The following TAB3 variants were observed in gnomAD, a reference collection of about 807,000 sequenced individuals.
TAB3 encodes TGF-beta-activated kinase 1 and MAP3K7-binding protein 3.
Under a neutral mutation model 48.1 loss-of-function variants are expected in TAB3, and 18 were observed. The observed-to-expected ratio is 0.37, with a 90% CI of 0.26 to 0.55. TAB3 has a LOEUF of 0.55. TAB3 is among the 20% of genes least tolerant of loss of function. The pLI is 0.78. For synonymous variants in TAB3, 185 were observed against 190.2 expected (o/e 0.97, Z 0.22); for missense variants, 414 against 549.8 (o/e 0.75, Z 2.47).
At chrX:30,888,686 T>TG (rs1940202898) in intron 1 of TAB3, among the ~76,000 whole-genome samples, 1 of 112,680 alleles carries the variant, frequency 8.9e-6, no homozygotes, top group South Asian at 3.6e-4. Context: ...AACCTTCACA[T>TG]CTCTCAACAC....
chrX:30,834,033 G>A lies in TAB3; in HGVS notation c.1990+18C>T, dbSNP rs1938112183. 1 of 1,187,181 alleles carries A rather than the reference G, an allele frequency of 8.4e-7. No individual in the cohort carries two copies. On this transcript the variant is annotated intron_variant, in intron 10 of 10. Transcript: ENST00000288422. Reference sequence around the variant, plus strand: ...TCTTTGGACATTCTGCACAAACTCTGGACACACAAGTACAAACCATCTGCA... The same window carrying A: ...TCTTTGGACATTCTGCACAAACTCTAGACACACAAGTACAAACCATCTGCA...
rs995851752 is a variant in TAB3, at chrX:30,829,127, T to C, written c.*2300A>G. 1.8e-5 allele frequency: 2 copies of C among 112,208 alleles called. No homozygotes were observed. The highest frequency in any genetic ancestry group is 1.9e-4 in the Admixed American group (2 of 10,494). 9.2% of individuals were successfully genotyped at this position (112,208 alleles called of 1,213,427 possible). On this transcript the variant is annotated 3_prime_UTR_variant, in exon 11 of 11. Coordinates refer to ENST00000288422, the MANE Select transcript of TAB3 (RefSeq NM_152787.5). ...CTGTTTTCTCTCTTTTCCTGGCAGG[T>C]GAAAACAATGATTGACTAGATAATA...
At chrX:30,874,484 C>G (rs1939765183) in intron 1 of TAB3, among the ~76,000 whole-genome samples, 1 of 111,797 alleles carries the variant, frequency 8.9e-6, no homozygotes, top group South Asian at 3.7e-4. Flanking sequence ...TTCATTGGAC[C>G]TTTCATTTGT....
Position 30,828,673 on chromosome X carries a change from G to A in TAB3, c.*2754C>T, listed in dbSNP as rs762762019. On this transcript the variant is annotated 3_prime_UTR_variant, in exon 11 of 11. Transcript: ENST00000288422. ...ACAAAATAGCGAAATAATGTAAAAT[G>A]TATAGTCAGGCCTATATGTTACCAG... 8.9e-6 allele frequency: 1 copy of A among 112,207 alleles called. No individual in the cohort carries two copies. Among genetic ancestry groups the A allele is most frequent in the Non-Finnish European group, 1.9e-5 (1 of 53,288 alleles). The allele number at this position is 112,207 out of a possible 1,213,427, so 9.2% of individuals were successfully genotyped here.
chrX:30,885,593 G>A (rs1350261283), intron 1 of TAB3, among the ~76,000 whole-genome samples: 1 of 97,790 alleles, frequency 1.0e-5, no homozygotes, highest in Non-Finnish European at 2.1e-5. Flanking sequence ...TGGGAAAGAA[G>A]GATGGAGCGG....
Position 30,834,212 on chromosome X carries a change from A to T in TAB3, c.1889-60T>A, listed in dbSNP as rs113359712. On this transcript the variant is annotated intron_variant, in intron 9 of 10. Coordinates refer to ENST00000288422, the MANE Select transcript of TAB3 (RefSeq NM_152787.5). ...TCCAGTCTTTCAACTGCAAGAGTGA[A>T]CAGGCTCACAAGATCTTTCAAGCAA... The T allele has an allele frequency of 1.4e-5, 14 of 1,032,092 alleles. No individual in the cohort carries two copies. In the African/African-American group the frequency reaches 2.4e-4, roughly 18 times the overall value. 85.1% of individuals were successfully genotyped at this position (1,032,092 alleles called of 1,213,427 possible).
At chrX:30,851,128 TTTG>T (rs775631130) in intron 7 of TAB3, among the ~76,000 whole-genome samples, 12 of 112,413 alleles carry the variant, frequency 1.1e-4, no homozygotes, top group Admixed American at 6.6e-4. Context: ...TAAAGATAAC[TTTG>T]TTATTTTCCA....
intron 4 of TAB3, among the ~76,000 whole-genome samples, chrX:30,866,158 A>G (rs1444472100): frequency 5.4e-5 from 6 of 111,844 alleles, no homozygotes; most frequent in Non-Finnish European, 9.4e-5. Context: ...TAATCCACAA[A>G]AACATTTTCA....
intron 8 of TAB3, chrX:30,846,332 A>T: frequency 2.8e-6 from 1 of 351,037 alleles, no homozygotes. Flanking sequence ...AACATAGAAC[A>T]GTCTAAATGA....
rs139553292 is a variant in TAB3, at chrX:30,868,807, T to C, written c.-279-1258A>G. ...AGCTATCATACATACAAGTTTCTAA[T>C]TGATCTCCTGAGTCAACTTCATTTT... On this transcript the variant is annotated intron_variant, in intron 2 of 10. Transcript: ENST00000288422. Among the ~76,000 whole-genome samples, 616 of 106,506 alleles carry C rather than the reference T, an allele frequency of 5.8e-3. 4 individuals are homozygous for C. The highest frequency in any genetic ancestry group is 0.019 in the African/African-American group (551 of 29,361). The allele number at this position is 106,506 out of a possible 115,157, so 92.5% of individuals were successfully genotyped here. A position where few individuals can be genotyped will look rare whatever the true frequency, so the allele number is the denominator to read the frequency against.
intron 10 of TAB3, among the ~76,000 whole-genome samples, chrX:30,833,096 G>A (rs1249158819): frequency 1.0e-5 from 1 of 95,425 alleles, no homozygotes; most frequent in Non-Finnish European, 1.9e-5. Flanking sequence ...TCAGCCTCCT[G>A]TGTAGCTGGG....
At chrX:30,878,021 A>T (rs771189695) in intron 1 of TAB3, among the ~76,000 whole-genome samples, 2 of 112,798 alleles carry the variant, frequency 1.8e-5, no homozygotes, top group South Asian at 7.3e-4. Context: ...AAGAAAAAGG[A>T]TCACTAGAGT....
At position 30,850,713 on chromosome X, in the gene TAB3, C is replaced by CA. The variant is rs1194545106; in HGVS notation, c.1710+2064dup. Among the ~76,000 whole-genome samples the CA allele has an allele frequency of 9.8e-3, 628 of 64,210 alleles. 9 individuals carry two copies. The highest frequency in any genetic ancestry group is 0.03 in the African/African-American group (521 of 17,266). The allele number at this position is 64,210 out of a possible 115,157, so 55.8% of individuals were successfully genotyped here. On this transcript the variant is annotated intron_variant, in intron 7 of 10. Coordinates refer to ENST00000288422, the MANE Select transcript of TAB3 (RefSeq NM_152787.5). ...GGTGACAGGGTGAGACTCTCCATCT[C>CA]AAAAAAAAAAAAAGAAAGAAAGAAA...
rs1302473557 is a variant in TAB3, at chrX:30,828,458, CT to C, written c.*2968del. ...AAAACTACATTTTTACAATGCATTT[CT>C]TTGTTTCTTTAAAGCCCCCTGCCTC... On this transcript the variant is annotated 3_prime_UTR_variant, in exon 11 of 11. Coordinates refer to ENST00000288422, the MANE Select transcript of TAB3 (RefSeq NM_152787.5). The C allele has an allele frequency of 8.8e-6, 1 of 113,411 alleles. No individual in the cohort carries two copies. Among genetic ancestry groups the C allele is most frequent in the Non-Finnish European group, 1.9e-5 (1 of 53,317 alleles). The allele number at this position is 113,411 out of a possible 1,213,427, so 9.3% of individuals were successfully genotyped here.
At chrX:30,859,126 T>G in intron 5 of TAB3, among the ~76,000 whole-genome samples, 1 of 111,705 alleles carries the variant, frequency 9.0e-6, no homozygotes, top group African/African-American at 3.3e-5. Context: ...TTTTATTTTC[T>G]TCTCCAATCT....
chrX:30,851,448 T>C (rs1423756355), intron 7 of TAB3, among the ~76,000 whole-genome samples: 3 of 112,156 alleles, frequency 2.7e-5, no homozygotes, highest in African/African-American at 9.7e-5. Context: ...ATTGTTCTTT[T>C]CTCTTCTAAA....
At chrX:30,869,940 G>A (rs1234711850) in intron 2 of TAB3, among the ~76,000 whole-genome samples, 1 of 112,656 alleles carries the variant, frequency 8.9e-6, no homozygotes, top group Admixed American at 9.4e-5. Context: ...TTTCAGGTAT[G>A]TGCGTATGTA....
At chrX:30,848,934 G>T (rs1430320913) in intron 7 of TAB3, among the ~76,000 whole-genome samples, 10 of 108,594 alleles carry the variant, frequency 9.2e-5, no homozygotes, top group African/African-American at 2.0e-4. Context: ...AGAATGGGGG[G>T]GAATAACTTG....
At chrX:30,868,329 TATATA>T (rs1434815767) in intron 2 of TAB3, among the ~76,000 whole-genome samples, 1 of 59,811 alleles carries the variant, frequency 1.7e-5, no homozygotes, top group Non-Finnish European at 3.0e-5. Flanking sequence ...TATATATATA[TATATA>T]AGCTTTTATA....
Sources: allele counts gnomAD v4.1 joint callset (sites outside exome capture counted in the v4.1 genomes callset), GRCh38; gene constraint gnomAD v4.1.1; transcripts MANE v1.5; gene names NCBI Gene and HGNC (gene_info 2026-07-23, HGNC 2026-07-21).